The following ABCA13 variants were observed in gnomAD, a reference collection of about 807,000 sequenced individuals.
ABCA13 encodes the protein ATP binding cassette subfamily A member 13.
Under a neutral mutation model 478.7 loss-of-function variants are expected in ABCA13, and 476 were observed. That is an observed-to-expected ratio of 0.99 (90% CI 0.92 to 1.07). The LOEUF (loss-of-function observed/expected upper bound fraction) is 1.07, where lower values mean the gene tolerates loss of function less well. Ranked by LOEUF, ABCA13 falls within the 50% of genes least tolerant of loss-of-function variation. The pLI is 0.00. For missense variants in ABCA13, 6,060 were observed against 5,910.6 expected, an observed-to-expected ratio of 1.03 and a Z score of -0.83; for synonymous variants, 2,252 against 2,158.9, an observed-to-expected ratio of 1.04 and a Z score of -1.20.
intron 38 of ABCA13, among the ~76,000 whole-genome samples, chr7:48,398,711 G>C (rs368371954): frequency 6.6e-6 from 1 of 152,190 alleles, no homozygotes; most frequent in Non-Finnish European, 1.5e-5. Context: ...TTACTACTTA[G>C]AGTTCTGGAG....
intron 52 of ABCA13, among the ~76,000 whole-genome samples, chr7:48,517,111 C>T (rs527867382): frequency 3.1e-4 from 47 of 152,276 alleles, no homozygotes; most frequent in Middle Eastern, 3.4e-3. Flanking sequence ...TGTTCTGTTT[C>T]GGCCACTCCA....
Position 48,249,215 on chromosome 7 carries a change from AT to A in ABCA13, c.1872del (p.His625IlefsTer33). On this transcript the variant is annotated frameshift_variant, in exon 15 of 62. Coordinates refer to ENST00000435803, the MANE Select transcript of ABCA13 (RefSeq NM_152701.5). LOFTEE classifies it high-confidence loss of function. ...CKHQLVSTVI[F>X]HTLEKTQFFL... ...TCTGGATTCTTTTTGATTGCAGGATATTTCATACACTTGAAAAAACACAATT... is the reference window on the plus strand; with the variant it reads ...TCTGGATTCTTTTTGATTGCAGGATATTCATACACTTGAAAAAACACAATT... 6.2e-7 allele frequency: 1 copy of A among 1,609,000 alleles called. No homozygotes were observed. The highest frequency in any genetic ancestry group is 8.5e-7 in the Non-Finnish European group (1 of 1,176,846).
At chr7:48,632,074 T>G (rs2131640690) in intron 59 of ABCA13, among the ~76,000 whole-genome samples, 1 of 152,246 alleles carries the variant, frequency 6.6e-6, no homozygotes, top group South Asian at 2.1e-4. Flanking sequence ...TGGAGGAGTC[T>G]TTAGTGTTTT....
At chr7:48,328,848 A>T (rs1804737559) in intron 27 of ABCA13, among the ~76,000 whole-genome samples, 2 of 152,238 alleles carry the variant, frequency 1.3e-5, no homozygotes, top group Non-Finnish European at 2.9e-5. Context: ...GAGATATCAT[A>T]TCAAAATGCT....
chr7:48,441,915 C>A (rs1823652247), intron 42 of ABCA13, among the ~76,000 whole-genome samples: 1 of 152,138 alleles, frequency 6.6e-6, no homozygotes, highest in Non-Finnish European at 1.5e-5. Flanking sequence ...CGATGAGTAA[C>A]AACAAATTAG....
At chr7:48,321,029 T>TG (rs775893061) in intron 27 of ABCA13, among the ~76,000 whole-genome samples, 7 of 152,186 alleles carry the variant, frequency 4.6e-5, no homozygotes, top group Non-Finnish European at 7.4e-5. Context: ...TTGTTGCCTC[T>TG]GGGGAGTGGG....
intron 41 of ABCA13, 86 bp from the exon 42 acceptor site, chr7:48,427,680 C>A: frequency 3.6e-6 from 3 of 826,850 alleles, no homozygotes; most frequent in Non-Finnish European, 5.9e-6. Flanking sequence ...TTGTCACAAC[C>A]GGATTAGGCA....
chr7:48,527,120 T>C (rs1013211796), intron 54 of ABCA13, among the ~76,000 whole-genome samples: 1 of 152,090 alleles, frequency 6.6e-6, no homozygotes, highest in Non-Finnish European at 1.5e-5. Context: ...GAGAGCTTTA[T>C]TAAAAATGTG....
chr7:48,639,693 T>C (rs1794968327), intron 59 of ABCA13, among the ~76,000 whole-genome samples: 1 of 152,204 alleles, frequency 6.6e-6, no homozygotes, highest in Non-Finnish European at 1.5e-5. Context: ...AGTGGGCATA[T>C]ATCTATAAAC....
chr7:48,642,075 T>G (rs1039622646), intron 59 of ABCA13, among the ~76,000 whole-genome samples: 6 of 152,188 alleles, frequency 3.9e-5, no homozygotes, highest in Non-Finnish European at 5.9e-5. Context: ...CTCAGCCATG[T>G]GAAGATTAGA....
chr7:48,316,297 T>C (rs1008046066), intron 26 of ABCA13, among the ~76,000 whole-genome samples: 1 of 152,240 alleles, frequency 6.6e-6, no homozygotes, highest in African/African-American at 2.4e-5. Context: ...TAGTAACTTG[T>C]AAAGCTAACT....
chr7:48,182,119 A>C (rs1165222574), intron 1 of ABCA13, among the ~76,000 whole-genome samples: 2 of 152,100 alleles, frequency 1.3e-5, no homozygotes, highest in Non-Finnish European at 2.9e-5. Flanking sequence ...AAAAAGCACA[A>C]CGTCCTAAGT....
At chr7:48,211,344 T>G (rs1281796259) in intron 3 of ABCA13, among the ~76,000 whole-genome samples, 1 of 152,240 alleles carries the variant, frequency 6.6e-6, no homozygotes, top group African/African-American at 2.4e-5. Context: ...GTTTCATTCC[T>G]AAGCCCAAGA....
chr7:48,587,886 A>G (rs560909055), intron 57 of ABCA13, among the ~76,000 whole-genome samples: 5 of 152,396 alleles, frequency 3.3e-5, no homozygotes, highest in African/African-American at 1.2e-4. Context: ...CTTGCATTTC[A>G]TAAAACAGCT....
intron 15 of ABCA13, among the ~76,000 whole-genome samples, chr7:48,260,504 C>T (rs80223152): frequency 0.023 from 3,435 of 152,036 alleles, 135 homozygotes; most frequent in African/African-American, 0.078. Context: ...AGTGCTATGT[C>T]TATGTTAATA....
chr7:48,368,714 T>TATATATAC (rs1455176603), intron 32 of ABCA13, among the ~76,000 whole-genome samples: 9 of 118,562 alleles, frequency 7.6e-5, no homozygotes, highest in African/African-American at 2.7e-4. Flanking sequence ...TATATATATA[T>TATATATAC]ACACATACAC....
rs112615112 is a variant in ABCA13, at chr7:48,562,886, A to G, written c.14355-17338A>G. Among the ~76,000 whole-genome samples the G allele has an allele frequency of 6.2e-3, 943 of 152,196 alleles. 10 individuals are homozygous for G. Among genetic ancestry groups the G allele is most frequent in the African/African-American group, 0.022 (898 of 41,540 alleles). ...ATGTGGTATCATCCTCTGTAATGAT[A>G]CTAATATGTTGTGATTTCCAAAAAG... On this transcript the variant is annotated intron_variant, in intron 55 of 61. Coordinates refer to ENST00000435803, the MANE Select transcript of ABCA13 (RefSeq NM_152701.5).
chr7:48,228,882 A>T (rs142736316), intron 6 of ABCA13, among the ~76,000 whole-genome samples: 1 of 152,218 alleles, frequency 6.6e-6, no homozygotes, highest in Non-Finnish European at 1.5e-5. Context: ...GAGATGCAAA[A>T]TTTAAAATGA....
chr7:48,366,240 C>T (rs1811649985), intron 31 of ABCA13, among the ~76,000 whole-genome samples: 1 of 152,030 alleles, frequency 6.6e-6, no homozygotes. Context: ...CTGGTCCTTG[C>T]CCTTTTTTTT....
Sources: allele counts gnomAD v4.1 joint callset (sites outside exome capture counted in the v4.1 genomes callset), GRCh38; gene constraint gnomAD v4.1.1; transcripts MANE v1.5; gene names NCBI Gene and HGNC (gene_info 2026-07-23, HGNC 2026-07-21).